The following GTF2A1L variants were observed in gnomAD, a reference collection of about 807,000 sequenced individuals.
GTF2A1L encodes general transcription factor IIA subunit 1 like, also known as TFIIA-alpha and beta-like factor.
In GTF2A1L, 48 loss-of-function variants were observed where a neutral mutation model predicts 49.7. The ratio of observed to expected loss-of-function variants is 0.97; its 90% CI spans 0.77 to 1.23. The LOEUF is 1.23. GTF2A1L is among the 50% of genes most tolerant of loss of function. The probability of loss-of-function intolerance (pLI) is 0.00; values close to 1 mark genes in which losing one functional copy is unlikely to be tolerated. For missense variants in GTF2A1L, 736 were observed against 564.8 expected, an observed-to-expected ratio of 1.30 and a Z score of -3.07; for synonymous variants, 246 against 193.5, an observed-to-expected ratio of 1.27 and a Z score of -2.25.
intron 6 of GTF2A1L, among the ~76,000 whole-genome samples, chr2:48,663,960 A>T (rs1678664809): frequency 6.6e-6 from 1 of 152,210 alleles, no homozygotes; most frequent in Non-Finnish European, 1.5e-5. Context: ...TATTGCTACT[A>T]TATAGATATG....
rs536464850 is a variant in GTF2A1L, at chr2:48,654,627, C to T, written c.978+7585C>T. Among the ~76,000 whole-genome samples the T allele has an allele frequency of 5.3e-5, 8 of 152,238 alleles. 2 individuals carry two copies. The highest frequency in any genetic ancestry group is 1.9e-4 in the African/African-American group (8 of 41,554). ...TTGACCTCCTGACCTCAGGTGATCC[C>T]CCTGCCTCAGCCTCTCAAAGTGCTG... On this transcript the variant is annotated intron_variant, in intron 6 of 8. Transcript: ENST00000403751.
At chr2:48,649,466 C>G (rs1280914192) in intron 6 of GTF2A1L, among the ~76,000 whole-genome samples, 1 of 152,170 alleles carries the variant, frequency 6.6e-6, no homozygotes, top group East Asian at 1.9e-4. Flanking sequence ...TCCTAGAGGT[C>G]AAAGGCCTAA....
Position 48,669,895 on chromosome 2 carries a change from T to C in GTF2A1L, c.1152T>C (p.Pro384=). 2 of 1,614,046 alleles carry C rather than the reference T, an allele frequency of 1.2e-6. No individual in the cohort carries two copies. The highest frequency in any genetic ancestry group is 2.2e-5 in the East Asian group (1 of 44,846). ...TTGACGGGGGAGATCTGAAGGTACC[T>C]GAAGAAGAAGCTGACAGTATTTCAA... is the stretch of plus-strand genomic sequence containing the variant. ...GNIDGGDLKV[P]EEEADSISNE... Residue 384 remains proline (P), a synonymous_variant, in exon 7 of 9, where the codon CCT becomes CCC. Coordinates refer to ENST00000403751, the MANE Select transcript of GTF2A1L (RefSeq NM_006872.5).
rs758737328 is a variant in GTF2A1L at position 48,646,587 on chromosome 2, T to C, written c.523T>C (p.Leu175=). 3.1e-6 allele frequency: 5 copies of C among 1,614,178 alleles called. No homozygotes were observed. Among genetic ancestry groups the C allele is most frequent in the Middle Eastern group, 1.6e-4 (1 of 6,062 alleles). ...PSVIQTSVPQ[L]NPWSLQATTE... ...AGTAATACAAACTAGTGTTCCACAATTGAATCCATGGTCTCTTCAAGCAAC... is the reference window on the plus strand; with the variant it reads ...AGTAATACAAACTAGTGTTCCACAACTGAATCCATGGTCTCTTCAAGCAAC... Residue 175 remains leucine, a synonymous_variant, in exon 6 of 9, where the codon TTG becomes CTG. Transcript: ENST00000403751.
intron 3 of GTF2A1L, among the ~76,000 whole-genome samples, chr2:48,640,417 A>G (rs968727198): frequency 3.9e-5 from 6 of 152,178 alleles, no homozygotes; most frequent in African/African-American, 1.4e-4. Context: ...GGAGGCTATT[A>G]TCTTCAACAA....
intron 8 of GTF2A1L, 99 bp from the exon 9 acceptor site, chr2:48,679,236 C>A (rs904893773): frequency 5.5e-6 from 8 of 1,460,120 alleles, no homozygotes; most frequent in Non-Finnish European, 3.6e-6. Flanking sequence ...AAGGCACTCA[C>A]ATTTCGGGTG....
At chr2:48,647,491 A>C (rs1324097362) in intron 6 of GTF2A1L, among the ~76,000 whole-genome samples, 1 of 152,136 alleles carries the variant, frequency 6.6e-6, no homozygotes, top group Non-Finnish European at 1.5e-5. Context: ...TCTGCAGATA[A>C]AAATTAAAAG....
chr2:48,624,200 G>C (rs1676176102), intron 3 of GTF2A1L, among the ~76,000 whole-genome samples: 2 of 142,772 alleles, frequency 1.4e-5, no homozygotes, highest in African/African-American at 5.0e-5. Context: ...TTTAAAATGT[G>C]GGTTGTAAGT....
At chr2:48,640,652 C>G (rs946238002) in intron 3 of GTF2A1L, among the ~76,000 whole-genome samples, 2 of 152,028 alleles carry the variant, frequency 1.3e-5, no homozygotes, top group Non-Finnish European at 2.9e-5. Context: ...ACGAGTTTAC[C>G]TGTGGAACAA....
At chr2:48,672,464 A>G (rs1351280322) in intron 8 of GTF2A1L, among the ~76,000 whole-genome samples, 3 of 152,206 alleles carry the variant, frequency 2.0e-5, no homozygotes, top group Non-Finnish European at 2.9e-5. Flanking sequence ...TAAAAGCCAG[A>G]TGTGTTTGAT....
At position 48,620,919 on chromosome 2, in the gene GTF2A1L, T is replaced by TC; in HGVS notation, c.90_91insC (p.Ile31HisfsTer21). ...TTCGGAATCTATTTGCTGAAGAAGG[T>TC]ATAGAGGAACAAGTTTTAAAAGACT... On this transcript the variant is annotated frameshift_variant, in exon 2 of 9. Transcript: ENST00000403751. LOFTEE classifies it high-confidence loss of function. 1 of 1,607,522 alleles carries TC rather than the reference T, an allele frequency of 6.2e-7. No individual in the cohort carries two copies. Among genetic ancestry groups the TC allele is most frequent in the African/African-American group, 1.3e-5 (1 of 74,782 alleles).
intron 4 of GTF2A1L, among the ~76,000 whole-genome samples, chr2:48,643,806 T>C (rs1263844447): frequency 1.3e-5 from 2 of 151,356 alleles, no homozygotes; most frequent in African/African-American, 4.9e-5. Flanking sequence ...TTCAAGTGAT[T>C]CTTCTGCTTC....
intron 4 of GTF2A1L, among the ~76,000 whole-genome samples, chr2:48,643,076 G>C (rs898245146): frequency 6.6e-6 from 1 of 152,076 alleles, no homozygotes; most frequent in Non-Finnish European, 1.5e-5. Flanking sequence ...AATGTTATAT[G>C]CTTGTTACAT....
chr2:48,663,586 T>G (rs866596262), intron 6 of GTF2A1L, among the ~76,000 whole-genome samples: 2 of 152,224 alleles, frequency 1.3e-5, no homozygotes, highest in African/African-American at 4.8e-5. Flanking sequence ...TAAAAATGTA[T>G]TTTTTGAAAA....
At chr2:48,623,006 T>C (rs1676093772) in intron 3 of GTF2A1L, among the ~76,000 whole-genome samples, 1 of 152,180 alleles carries the variant, frequency 6.6e-6, no homozygotes, top group African/African-American at 2.4e-5. Flanking sequence ...TCTTAGCAGT[T>C]AGAATAATAG....
intron 6 of GTF2A1L, among the ~76,000 whole-genome samples, chr2:48,669,417 T>C (rs1201926991): frequency 6.6e-6 from 1 of 152,208 alleles, no homozygotes; most frequent in Non-Finnish European, 1.5e-5. Flanking sequence ...TAAATCCTAA[T>C]AGGTACTATA....
chr2:48,632,398 T>C (rs527526983), intron 3 of GTF2A1L: 1 of 152,180 alleles, frequency 6.6e-6, no homozygotes, highest in South Asian at 2.1e-4. Flanking sequence ...TTTGTTTTTT[T>C]TTTTTGACAG....
Position 48,624,339 on chromosome 2 carries a change from T to A in GTF2A1L, c.247+3049T>A, listed in dbSNP as rs906376137. On this transcript the variant is annotated intron_variant, in intron 3 of 8. Coordinates refer to ENST00000403751, the MANE Select transcript of GTF2A1L (RefSeq NM_006872.5). Reference sequence around the variant, plus strand: ...ATTCTTCGAGAACAAAAATATTTAGTAAGAAGAGTGTCATCAATTAATGTC... The same window carrying A: ...ATTCTTCGAGAACAAAAATATTTAGAAAGAAGAGTGTCATCAATTAATGTC... 8.3e-5 allele frequency among the ~76,000 whole-genome samples: 12 copies of A among 144,636 alleles called. 2 individuals carry two copies. The highest frequency in any genetic ancestry group is 3.0e-4 in the African/African-American group (12 of 40,662). 94.9% of individuals were successfully genotyped at this position (144,636 alleles called of 152,430 possible). A position where few individuals can be genotyped will look rare whatever the true frequency, so the allele number is the denominator to read the frequency against.
intron 6 of GTF2A1L, among the ~76,000 whole-genome samples, chr2:48,654,208 T>C (rs1328164212): frequency 6.6e-6 from 1 of 152,180 alleles, no homozygotes; most frequent in Non-Finnish European, 1.5e-5. Flanking sequence ...GTCCAGTTTA[T>C]TATTTTTATC....
Sources: allele counts gnomAD v4.1 joint callset (sites outside exome capture counted in the v4.1 genomes callset), GRCh38; gene constraint gnomAD v4.1.1; transcripts MANE v1.5; gene names NCBI Gene and HGNC (gene_info 2026-07-23, HGNC 2026-07-21).